The following SDK1 variants were observed in gnomAD, a reference collection of about 807,000 sequenced individuals.
SDK1 encodes the protein protein sidekick-1.
A neutral mutation model predicts 245.5 loss-of-function variants in SDK1; 157 were observed. The observed-to-expected ratio is 0.64, with a 90% CI of 0.56 to 0.73. The LOEUF is 0.73. SDK1 is among the 30% of genes least tolerant of loss of function. The probability of loss-of-function intolerance (pLI) is 0.00; values close to 1 mark genes in which losing one functional copy is unlikely to be tolerated. For synonymous variants in SDK1, 1,647 were observed against 1,278.5 expected (o/e 1.29, Z -6.15); for missense variants, 3,583 against 3,002.3 (o/e 1.19, Z -4.52).
chr7:3,374,482 C>A (rs1414272550), intron 1 of SDK1, among the ~76,000 whole-genome samples: 1 of 152,170 alleles, frequency 6.6e-6, no homozygotes, highest in East Asian at 1.9e-4. Context: ...GGCAGCAGTG[C>A]ATTGTAACTC....
chr7:3,380,350 CGTT>C (rs1363911251), intron 1 of SDK1, among the ~76,000 whole-genome samples: 1 of 152,138 alleles, frequency 6.6e-6, no homozygotes, highest in Non-Finnish European at 1.5e-5. Context: ...ATTGTTTTAA[CGTT>C]GTTAAATGGT....
intron 5 of SDK1, among the ~76,000 whole-genome samples, chr7:3,856,710 G>C (rs541863933): frequency 6.6e-6 from 1 of 152,144 alleles, no homozygotes; most frequent in African/African-American, 2.4e-5. Context: ...AGTGTCGCTT[G>C]AACATGGGAG....
chr7:3,848,958 C>T (rs1021596752), intron 5 of SDK1, among the ~76,000 whole-genome samples: 1 of 152,226 alleles, frequency 6.6e-6, no homozygotes, highest in African/African-American at 2.4e-5. Context: ...GCGTGAGCCG[C>T]CGCGCCCGGC....
chr7:4,039,822 C>T (rs576448872), intron 17 of SDK1, among the ~76,000 whole-genome samples: 7 of 151,976 alleles, frequency 4.6e-5, no homozygotes, highest in African/African-American at 1.2e-4. Context: ...TAGCCAGAAA[C>T]GAAGGGAAGG....
At chr7:3,945,996 G>C (rs1377128061) in intron 5 of SDK1, among the ~76,000 whole-genome samples, 1 of 136,206 alleles carries the variant, frequency 7.3e-6, no homozygotes, top group African/African-American at 2.7e-5. Flanking sequence ...AAAGTAAGAA[G>C]CATGTTGAAT....
In SDK1 at chr7:3,427,373, G is replaced by C. The variant is rs570933280; in HGVS notation, c.298+125489G>C. Among the ~76,000 whole-genome samples the C allele has an allele frequency of 7.2e-5, 11 of 152,072 alleles. No individual in the cohort carries two copies. In the South Asian group the frequency reaches 1.3e-3, roughly 17 times the overall value. On this transcript the variant is annotated intron_variant, in intron 1 of 44. Coordinates refer to ENST00000404826, the MANE Select transcript of SDK1 (RefSeq NM_152744.4). Reference sequence around the variant, plus strand: ...GTCTGTACTAAAAATGCAAAAATTGGCTGGGTGTGGTGGCGGGCACCTGTA... The same window carrying C: ...GTCTGTACTAAAAATGCAAAAATTGCCTGGGTGTGGTGGCGGGCACCTGTA...
intron 1 of SDK1, among the ~76,000 whole-genome samples, chr7:3,546,343 C>G (rs750222079): frequency 2.6e-5 from 4 of 152,230 alleles, no homozygotes; most frequent in Non-Finnish European, 4.4e-5. Context: ...CTCGGCCCCT[C>G]TAATCCTCTG....
intron 1 of SDK1, among the ~76,000 whole-genome samples, chr7:3,434,529 A>G (rs1363575214): frequency 6.6e-6 from 1 of 152,256 alleles, no homozygotes; most frequent in African/African-American, 2.4e-5. Context: ...TTTCATTTTA[A>G]TCCTCACAGC....
intron 5 of SDK1, among the ~76,000 whole-genome samples, chr7:3,913,311 T>C (rs955699213): frequency 6.7e-6 from 1 of 149,840 alleles, no homozygotes; most frequent in Non-Finnish European, 1.5e-5. Flanking sequence ...TTTTTTTTTT[T>C]GAGATGGAGT....
Position 3,641,983 on chromosome 7 carries a change from C to T in SDK1, c.591C>T (p.Asp197=). The change falls in exon 4 of 45, where the codon GAC becomes GAT. Residue 197 remains aspartate (D), a synonymous_variant. Coordinates refer to ENST00000404826, the MANE Select transcript of SDK1 (RefSeq NM_152744.4). ...ATATGGGAAGTTTCATGGATACGGA[C>T]CAGAGGAAAACAGTTTCTCAAGGAC... is the stretch of plus-strand genomic sequence containing the variant. The part of the protein sequence containing the change: ...VAYMGSFMDT[D]QRKTVSQGRA... 1.2e-6 allele frequency: 2 copies of T among 1,613,834 alleles called. No individual in the cohort carries two copies. The highest frequency in any genetic ancestry group is 2.7e-5 in the African/African-American group (2 of 74,996).
At position 4,221,351 on chromosome 7, in the gene SDK1, G is replaced by A. The variant is rs1584477721; in HGVS notation, c.5814G>A (p.Glu1938=). 3 of 1,609,414 alleles carry A rather than the reference G, an allele frequency of 1.9e-6. No homozygotes were observed. Among genetic ancestry groups the A allele is most frequent in the East Asian group, 2.2e-5 (1 of 44,654 alleles). ...CACCTACCACGGGCTATGTGATCGA[G>A]GCCCGGCCCTCAGGTAGGGTGGCAG... ...GDTPTTGYVI[E]ARPSDEGLWD... is the part of the protein sequence containing the mutation. The change falls in exon 40 of 45, where the codon GAG becomes GAA. Residue 1938 remains glutamate (E), a synonymous_variant. Transcript: ENST00000404826.
intron 22 of SDK1, among the ~76,000 whole-genome samples, chr7:4,090,583 A>C (rs1781724083): frequency 6.6e-6 from 1 of 152,082 alleles, no homozygotes; most frequent in African/African-American, 2.4e-5. Flanking sequence ...TATTCTTTTG[A>C]TGTCTCCATC....
intron 4 of SDK1, among the ~76,000 whole-genome samples, chr7:3,653,646 G>T (rs777031818): frequency 6.6e-6 from 1 of 152,168 alleles, no homozygotes; most frequent in African/African-American, 2.4e-5. Context: ...GAGAATAAAC[G>T]CATCCCAATC....
intron 17 of SDK1, among the ~76,000 whole-genome samples, chr7:4,030,509 C>T (rs566905210): frequency 6.6e-6 from 1 of 152,316 alleles, no homozygotes. Flanking sequence ...AGGACTCCTG[C>T]CCAGCAAGTT....
chr7:4,268,705 G>C lies in SDK1; in HGVS notation c.*3321G>C. 1 of 1,367,844 alleles carries C rather than the reference G, an allele frequency of 7.3e-7. No individual in the cohort carries two copies. The highest frequency in any genetic ancestry group is 1.1e-5 in the South Asian group (1 of 88,052). 84.7% of individuals were successfully genotyped at this position (1,367,844 alleles called of 1,614,324 possible). ...TAGCTATCCTCCTGACGAGCAACCC[G>C]TCTGCGTACCTAAGTGTGGCTCCCC... is the stretch of plus-strand genomic sequence containing the variant. On this transcript the variant is annotated 3_prime_UTR_variant, in exon 45 of 45. Coordinates refer to ENST00000404826, the MANE Select transcript of SDK1 (RefSeq NM_152744.4).
At chr7:3,853,100 A>G (rs1471545291) in intron 5 of SDK1, among the ~76,000 whole-genome samples, 3 of 152,108 alleles carry the variant, frequency 2.0e-5, no homozygotes, top group Non-Finnish European at 4.4e-5. Flanking sequence ...CCACGTACGC[A>G]GGCTTCACAT....
intron 1 of SDK1, among the ~76,000 whole-genome samples, chr7:3,611,138 AATTT>A (rs1781575984): frequency 6.6e-6 from 1 of 152,130 alleles, no homozygotes; most frequent in South Asian, 2.1e-4. Context: ...TTGGGTGGGT[AATTT>A]ATTTATTTAT....
intron 27 of SDK1, among the ~76,000 whole-genome samples, chr7:4,131,954 T>C (rs1465103335): frequency 6.6e-6 from 1 of 152,088 alleles, no homozygotes; most frequent in Non-Finnish European, 1.5e-5. Context: ...GAATCCGAGC[T>C]CAGATGAGGG....
At chr7:3,646,690 C>A (rs73039674) in intron 4 of SDK1, among the ~76,000 whole-genome samples, 3,891 of 152,110 alleles carry the variant, frequency 0.026, 78 homozygotes, top group Non-Finnish European at 0.037. Context: ...ATACATTGCT[C>A]TAGTCTTTCT....
Sources: allele counts gnomAD v4.1 joint callset (sites outside exome capture counted in the v4.1 genomes callset), GRCh38; gene constraint gnomAD v4.1.1; transcripts MANE v1.5; gene names NCBI Gene and HGNC (gene_info 2026-07-23, HGNC 2026-07-21).